SCRG1: variants seen among roughly 807,000 people sequenced by gnomAD.
SCRG1 encodes the protein stimulator of chondrogenesis 1.
Under a neutral mutation model 7.7 loss-of-function variants are expected in SCRG1, and 3 were observed. That is an observed-to-expected ratio of 0.39 (90% CI 0.18 to 1.01). SCRG1 has a LOEUF of 1.01. Ranked by LOEUF, SCRG1 falls within the 50% of genes least tolerant of loss-of-function variation. The pLI is 0.36. For synonymous variants in SCRG1, 46 were observed against 41.2 expected (o/e 1.12, Z -0.44); for missense variants, 110 against 117.2 (o/e 0.94, Z 0.28).
At chr4:173,513,605 T>C in the SCRG1 span, among the ~76,000 whole-genome samples, 1 of 152,180 alleles carries the variant, frequency 6.6e-6, no homozygotes, top group Non-Finnish European at 1.5e-5. Context: ...TATTAGACAA[T>C]GTCAATCTTT....
the SCRG1 span, among the ~76,000 whole-genome samples, chr4:173,483,319 C>T: frequency 4.3e-5 from 1 of 23,174 alleles, no homozygotes; most frequent in Non-Finnish European, 8.0e-5. Context: ...TATTACATAT[C>T]ATATATTATA....
chr4:173,439,333 C>G, the SCRG1 span, among the ~76,000 whole-genome samples: 1 of 151,962 alleles, frequency 6.6e-6, no homozygotes, highest in Non-Finnish European at 1.5e-5. Flanking sequence ...TTGAGATGAG[C>G]CTGGCCATCA....
chr4:173,493,622 A>T, the SCRG1 span, among the ~76,000 whole-genome samples: 1 of 151,854 alleles, frequency 6.6e-6, no homozygotes, highest in Non-Finnish European at 1.5e-5. Flanking sequence ...GTCAGAAAAA[A>T]AAAAAAAAAA....
the SCRG1 span, among the ~76,000 whole-genome samples, chr4:173,414,057 A>G: frequency 6.6e-6 from 1 of 152,226 alleles, no homozygotes; most frequent in South Asian, 2.1e-4. Context: ...GTTACAAATA[A>G]ATAAATGTGG....
rs1739231394 is a variant in SCRG1, at chr4:173,385,914, G to A, written c.*2427C>T. 6.6e-6 allele frequency: 1 copy of A among 152,068 alleles called. No individual in the cohort carries two copies. The highest frequency in any genetic ancestry group is 1.5e-5 in the Non-Finnish European group (1 of 68,012). The allele number at this position is 152,068 out of a possible 1,614,324, so 9.4% of individuals were successfully genotyped here. A position where few individuals can be genotyped will look rare whatever the true frequency, so the allele number is the denominator to read the frequency against. On this transcript the variant is annotated 3_prime_UTR_variant, in exon 3 of 3. Coordinates refer to ENST00000296506, the MANE Select transcript of SCRG1 (RefSeq NM_007281.4). ...GTTTTTTTAAATTTACCTATTCTATGCATTGTTCCAGAATGGATATGAAAC... is the reference window on the plus strand; with the variant it reads ...GTTTTTTTAAATTTACCTATTCTATACATTGTTCCAGAATGGATATGAAAC...
intron 1 of SCRG1, among the ~76,000 whole-genome samples, chr4:173,405,421 A>G (rs1171326934): frequency 6.6e-6 from 1 of 152,180 alleles, no homozygotes; most frequent in African/African-American, 2.4e-5. Flanking sequence ...ATGTGGCTCC[A>G]CTGCACATTT....
the SCRG1 span, among the ~76,000 whole-genome samples, chr4:173,507,847 T>TA: frequency 6.6e-6 from 1 of 152,122 alleles, no homozygotes; most frequent in Non-Finnish European, 1.5e-5. The surrounding 1 kb of genome is among the most constrained non-coding windows in gnomAD (Gnocchi z 4.4). Context: ...GTGTGAAAAG[T>TA]AATATGAATG....
the SCRG1 span, among the ~76,000 whole-genome samples, chr4:173,478,310 T>C: frequency 5.1e-4 from 78 of 152,240 alleles, no homozygotes; most frequent in African/African-American, 1.8e-3. Context: ...CTCTGGGCTA[T>C]TAAGGCAAAT....
At chr4:173,467,862 A>G in the SCRG1 span, 4 of 152,272 alleles carry the variant, frequency 2.6e-5, no homozygotes, top group Admixed American at 2.6e-4. Context: ...TTTTAATTAC[A>G]AGAGGATGGG....
chr4:173,511,751 T>A, the SCRG1 span, among the ~76,000 whole-genome samples: 1 of 152,110 alleles, frequency 6.6e-6, no homozygotes, highest in Non-Finnish European at 1.5e-5. This position sits in a 1 kb window ranked among gnomAD's most constrained non-coding sequence, Gnocchi z 5.2. Context: ...AGTGTGTATA[T>A]ATATGTTATG....
chr4:173,514,106 T>G, the SCRG1 span, among the ~76,000 whole-genome samples: 1 of 152,132 alleles, frequency 6.6e-6, no homozygotes, highest in African/African-American at 2.4e-5. Flanking sequence ...GCTCAATGGG[T>G]CATAAGTTGA....
chr4:173,488,533 G>T, the SCRG1 span, among the ~76,000 whole-genome samples: 1 of 152,172 alleles, frequency 6.6e-6, no homozygotes, highest in Non-Finnish European at 1.5e-5. Context: ...TGAGTTAGCT[G>T]TGTAGAAACT....
chr4:173,489,448 A>C, the SCRG1 span, among the ~76,000 whole-genome samples: 2 of 152,214 alleles, frequency 1.3e-5, no homozygotes, highest in Admixed American at 1.3e-4. Context: ...AGTATACTTC[A>C]TGAGTCCATT....
the SCRG1 span, among the ~76,000 whole-genome samples, chr4:173,445,669 A>ATT: frequency 9.4e-3 from 1,328 of 140,752 alleles, 10 homozygotes; most frequent in Non-Finnish European, 0.015. Context: ...CTTTAAGGAT[A>ATT]TTTTTTTTTT....
chr4:173,509,338 C>G, the SCRG1 span, among the ~76,000 whole-genome samples: 1 of 152,174 alleles, frequency 6.6e-6, no homozygotes, highest in Admixed American at 6.5e-5. This position sits in a 1 kb window ranked among gnomAD's most constrained non-coding sequence, Gnocchi z 5.7. Flanking sequence ...CCCTCGCGCG[C>G]TCTGAGCCTC....
At chr4:173,436,604 C>T in the SCRG1 span, among the ~76,000 whole-genome samples, 4 of 152,256 alleles carry the variant, frequency 2.6e-5, no homozygotes, top group South Asian at 8.3e-4. Flanking sequence ...CAATCGTTCT[C>T]TATGGGTTCT....
the SCRG1 span, among the ~76,000 whole-genome samples, chr4:173,505,816 T>G: frequency 1.3e-5 from 2 of 152,214 alleles, no homozygotes; most frequent in African/African-American, 4.8e-5. The surrounding 1 kb of genome is among the most constrained non-coding windows in gnomAD (Gnocchi z 4.4). Flanking sequence ...AAGGTGGAGC[T>G]CCTGGAGCTT....
chr4:173,510,621 G>A, the SCRG1 span, among the ~76,000 whole-genome samples: 11 of 152,196 alleles, frequency 7.2e-5, no homozygotes, highest in African/African-American at 2.6e-4. This position sits in a 1 kb window ranked among gnomAD's most constrained non-coding sequence, Gnocchi z 5.7. Context: ...TCTCTCCAAC[G>A]TGGAGATCTA....
the SCRG1 span, among the ~76,000 whole-genome samples, chr4:173,416,334 C>A: frequency 6.6e-6 from 1 of 152,238 alleles, no homozygotes; most frequent in Non-Finnish European, 1.5e-5. Context: ...GCCATAAGAA[C>A]CTCCCAAACG....
Sources: allele counts gnomAD v4.1 joint callset (sites outside exome capture counted in the v4.1 genomes callset), GRCh38; gene constraint gnomAD v4.1.1; non-coding constraint Gnocchi (gnomAD v3.1); transcripts MANE v1.5; gene names NCBI Gene and HGNC (gene_info 2026-07-23, HGNC 2026-07-21).